SLC8A3: variants seen among roughly 807,000 people sequenced by gnomAD.
SLC8A3 encodes solute carrier family 8 member A3, also known as sodium/calcium exchanger 3.
Under a neutral mutation model 65.4 loss-of-function variants are expected in SLC8A3, and 37 were observed. The ratio of observed to expected loss-of-function variants is 0.57; its 90% CI spans 0.44 to 0.74. The LOEUF is 0.74. SLC8A3 is among the 30% of genes least tolerant of loss of function. The pLI is 0.00. For missense variants in SLC8A3, 1,112 were observed against 1,172.1 expected, an observed-to-expected ratio of 0.95 and a Z score of 0.75; for synonymous variants, 461 against 444.5, an observed-to-expected ratio of 1.04 and a Z score of -0.47.
intron 2 of SLC8A3, among the ~76,000 whole-genome samples, chr14:70,062,781 C>A (rs921058763): frequency 4.6e-5 from 7 of 152,158 alleles, no homozygotes; most frequent in Non-Finnish European, 1.0e-4. Flanking sequence ...GGGAATATTT[C>A]TGTTGGCCCT....
chr14:70,081,673 C>G (rs1891061278), intron 2 of SLC8A3, among the ~76,000 whole-genome samples: 1 of 152,012 alleles, frequency 6.6e-6, no homozygotes. Context: ...GGGTGGAGGG[C>G]AGGGAAGAAG....
chr14:70,102,781 T>C (rs1009713216), intron 2 of SLC8A3, among the ~76,000 whole-genome samples: 1 of 151,596 alleles, frequency 6.6e-6, no homozygotes, highest in African/African-American at 2.4e-5. Context: ...GAGAAAAAAA[T>C]TGAAAAATGA....
At chr14:70,063,888 T>C in intron 2 of SLC8A3, 1 of 1,612,038 alleles carries the variant, frequency 6.2e-7, no homozygotes, top group Non-Finnish European at 8.5e-7. Flanking sequence ...CTTGTTTTTC[T>C]CATATGCCTC....
intron 2 of SLC8A3, among the ~76,000 whole-genome samples, chr14:70,078,141 A>T (rs567106224): frequency 6.6e-6 from 1 of 152,352 alleles, no homozygotes; most frequent in South Asian, 2.1e-4. Context: ...GGTAAGAGTC[A>T]GGCAGACTCG....
rs1013979847 is a variant in SLC8A3 at position 70,107,950 on chromosome 14, G to A, written c.1785-47011C>T. ...TCTCTCTGATAGATGTTTGGCATCC[G>A]TGCATGTGTTTGCCCTTCATCTTTC... is the stretch of plus-strand genomic sequence containing the variant. On this transcript the variant is annotated intron_variant, in intron 2 of 6. Coordinates refer to ENST00000356921, the MANE Select transcript of SLC8A3 (RefSeq NM_182932.3). 1.4e-4 allele frequency among the ~76,000 whole-genome samples: 21 copies of A among 152,030 alleles called. 1 individual carries two copies. The highest frequency in any genetic ancestry group is 2.9e-4 in the Non-Finnish European group (20 of 68,032).
intron 3 of SLC8A3, 195 bp downstream of exon 3, chr14:70,060,641 C>T (rs779434914): frequency 1.4e-5 from 10 of 723,592 alleles, no homozygotes; most frequent in African/African-American, 8.6e-5. Context: ...GAGATGATAC[C>T]GAAACAGGGT....
chr14:70,071,343 C>T (rs905025646), intron 2 of SLC8A3, among the ~76,000 whole-genome samples: 2 of 152,124 alleles, frequency 1.3e-5, no homozygotes, highest in African/African-American at 4.8e-5. Flanking sequence ...TCCAGGTGGG[C>T]CTGATTGAAT....
chr14:70,173,715 C>T (rs1484802151), intron 1 of SLC8A3, among the ~76,000 whole-genome samples: 1 of 152,198 alleles, frequency 6.6e-6, no homozygotes, highest in African/African-American at 2.4e-5. Flanking sequence ...TCCAGCCAGG[C>T]TGCACTGGCT....
rs1420768838 is a variant in SLC8A3, at chr14:70,167,252, G to C, written c.1171C>G (p.Pro391Ala). The C allele has an allele frequency of 8.1e-6, 13 of 1,614,024 alleles. No individual in the cohort carries two copies. Among genetic ancestry groups the C allele is most frequent in the African/African-American group, 1.3e-5 (1 of 74,904 alleles). Reference sequence around the variant, plus strand: ...AAGACCTTGGAAATAAAGTCCTCAGGCTCATCGGTGTGCACCTCGCTCATG... The same window carrying C: ...AAGACCTTGGAAATAAAGTCCTCAGCCTCATCGGTGTGCACCTCGCTCATG... ...SSMSEVHTDE[P>A]EDFISKVFFD... is the part of the protein sequence containing the mutation. Residue 391 changes from proline (P) to alanine (A), a missense_variant, in exon 2 of 7, where the codon CCT becomes GCT. Coordinates refer to ENST00000356921, the MANE Select transcript of SLC8A3 (RefSeq NM_182932.3).
At position 70,134,485 on chromosome 14, in the gene SLC8A3, C is replaced by T. The variant is rs528953457; in HGVS notation, c.1784+32154G>A. On this transcript the variant is annotated intron_variant, in intron 2 of 6. Coordinates refer to ENST00000356921, the MANE Select transcript of SLC8A3 (RefSeq NM_182932.3). ...GGTAAATGGCACCAGCTTCCCTTCA[C>T]GATTAAAGTAAAAAGCCTAGACACC... Among the ~76,000 whole-genome samples the T allele has an allele frequency of 1.4e-3, 217 of 152,232 alleles. 6 individuals carry two copies. Among genetic ancestry groups the T allele is most frequent in the Middle Eastern group, 3.4e-3 (1 of 294 alleles).
At chr14:70,174,491 C>T (rs1897742069) in intron 1 of SLC8A3, among the ~76,000 whole-genome samples, 1 of 151,784 alleles carries the variant, frequency 6.6e-6, no homozygotes, top group Admixed American at 6.6e-5. Flanking sequence ...GTTAGATGGG[C>T]CCAGAGCCAC....
At chr14:70,119,570 G>A (rs956169687) in intron 2 of SLC8A3, among the ~76,000 whole-genome samples, 15 of 151,814 alleles carry the variant, frequency 9.9e-5, no homozygotes, top group Non-Finnish European at 1.9e-4. Context: ...AATTGCTGGA[G>A]ACTACACAGG....
intron 2 of SLC8A3, among the ~76,000 whole-genome samples, chr14:70,160,954 ACATAG>A (rs1384755808): frequency 6.6e-6 from 1 of 151,152 alleles, no homozygotes; most frequent in Non-Finnish European, 1.5e-5. Context: ...TAAAAAGTTT[ACATAG>A]CATGGTCGGG....
chr14:70,171,439 C>A (rs7141973), intron 1 of SLC8A3, among the ~76,000 whole-genome samples: 64,656 of 152,040 alleles, frequency 0.43, 14,508 homozygotes, highest in East Asian at 0.91. Flanking sequence ...ATCATATGAT[C>A]AGAATCAGAG....
intron 2 of SLC8A3, among the ~76,000 whole-genome samples, chr14:70,139,553 T>C: frequency 6.6e-6 from 1 of 152,044 alleles, no homozygotes; most frequent in South Asian, 2.1e-4. Context: ...GGAGGAACAG[T>C]AGCGTAAGGT....
chr14:70,187,557 C>T lies in SLC8A3; in HGVS notation c.-63+822G>A, dbSNP rs76669726. 4.3e-3 allele frequency among the ~76,000 whole-genome samples: 648 copies of T among 150,546 alleles called. 5 individuals carry two copies. The highest frequency in any genetic ancestry group is 0.015 in the African/African-American group (625 of 40,836). Reference sequence around the variant, plus strand: ...GGTCCTCTGGGCAGGTCAGCCAGGGCCTGTAGGAGCAGCAGCGCTAGCCTC... The same window carrying T: ...GGTCCTCTGGGCAGGTCAGCCAGGGTCTGTAGGAGCAGCAGCGCTAGCCTC... On this transcript the variant is annotated intron_variant, in intron 1 of 6. Transcript: ENST00000356921.
intron 2 of SLC8A3, among the ~76,000 whole-genome samples, chr14:70,160,057 T>TA (rs1384077920): frequency 1.3e-5 from 2 of 151,916 alleles, no homozygotes; most frequent in Non-Finnish European, 2.9e-5. Flanking sequence ...AATACAGCAA[T>TA]AAAAAACAAT....
intron 2 of SLC8A3, among the ~76,000 whole-genome samples, chr14:70,114,430 T>A (rs554665979): frequency 6.6e-6 from 1 of 152,256 alleles, no homozygotes; most frequent in African/African-American, 2.4e-5. Flanking sequence ...CCTGCAACAG[T>A]ATTCAAAATA....
At chr14:70,076,847 T>G (rs1182814808) in intron 2 of SLC8A3, among the ~76,000 whole-genome samples, 3 of 152,242 alleles carry the variant, frequency 2.0e-5, no homozygotes, top group African/African-American at 7.2e-5. Context: ...AAATCATTAT[T>G]CATTTGATCA....
Sources: allele counts gnomAD v4.1 joint callset (sites outside exome capture counted in the v4.1 genomes callset), GRCh38; gene constraint gnomAD v4.1.1; transcripts MANE v1.5; gene names NCBI Gene and HGNC (gene_info 2026-07-23, HGNC 2026-07-21).